The following TMEM232 variants were observed in gnomAD, a reference collection of about 807,000 sequenced individuals.
TMEM232 encodes transmembrane protein 232.
In TMEM232, 80 loss-of-function variants were observed where a neutral mutation model predicts 78.8. The ratio of observed to expected loss-of-function variants is 1.01; its 90% CI spans 0.85 to 1.22. TMEM232 has a LOEUF of 1.22. Among genes scored for constraint, TMEM232 ranks in the 50% most tolerant of loss-of-function variants. The probability of loss-of-function intolerance (pLI) is 0.00; values close to 1 mark genes in which losing one functional copy is unlikely to be tolerated. For synonymous variants in TMEM232, 297 were observed against 254.3 expected (o/e 1.17, Z -1.60); for missense variants, 881 against 742.2 (o/e 1.19, Z -2.17).
chr5:110,509,100 C>T (rs1767379933), intron 12 of TMEM232, among the ~76,000 whole-genome samples: 1 of 147,416 alleles, frequency 6.8e-6, no homozygotes. Context: ...TATACACACA[C>T]ATATATATGC....
rs150990035 is a variant in TMEM232 at position 110,493,361 on chromosome 5, C to A, written c.1703+35227G>T. On this transcript the variant is annotated intron_variant, in intron 12 of 13. Coordinates refer to ENST00000455884, the MANE Select transcript of TMEM232 (RefSeq NM_001039763.4). ...TCCAAAATGTGTACAGAAGATTACA[C>A]GGGTCAATAGCCAAGACATTGAAAA... Among the ~76,000 whole-genome samples, 1,448 of 147,100 alleles carry A rather than the reference C, an allele frequency of 9.8e-3. 34 individuals carry two copies. Among genetic ancestry groups the A allele is most frequent in the African/African-American group, 0.034 (1,352 of 39,262 alleles).
At chr5:110,524,274 A>C (rs1213060244) in intron 12 of TMEM232, among the ~76,000 whole-genome samples, 1 of 149,958 alleles carries the variant, frequency 6.7e-6, no homozygotes, top group Non-Finnish European at 1.5e-5. Flanking sequence ...AAAAAAAAAA[A>C]AGGAAAAGAG....
At chr5:110,620,024 A>G (rs189486929) in intron 7 of TMEM232, among the ~76,000 whole-genome samples, 1 of 152,270 alleles carries the variant, frequency 6.6e-6, no homozygotes, top group East Asian at 1.9e-4. Flanking sequence ...GGACTACATA[A>G]ACTATTCAAT....
At chr5:110,667,424 G>A (rs1473486177) in intron 1 of TMEM232, 60 bp from the exon 2 acceptor site, 3 of 1,275,878 alleles carry the variant, frequency 2.4e-6, no homozygotes, top group African/African-American at 1.6e-5. Context: ...CAAACAACAT[G>A]TTATGCAAAT....
intron 2 of TMEM232, among the ~76,000 whole-genome samples, chr5:110,413,857 G>T (rs544164431): frequency 2.0e-5 from 3 of 152,150 alleles, no homozygotes; most frequent in Non-Finnish European, 2.9e-5. Flanking sequence ...ATTCTAAAGG[G>T]AAAAAAGACA....
At chr5:110,599,901 G>T (rs375753172) in intron 10 of TMEM232, among the ~76,000 whole-genome samples, 1 of 151,978 alleles carries the variant, frequency 6.6e-6, no homozygotes, top group South Asian at 2.1e-4. Flanking sequence ...TTCTAAAATC[G>T]ACCACATAAT....
intron 12 of TMEM232, among the ~76,000 whole-genome samples, chr5:110,466,398 A>G (rs1762081274): frequency 6.6e-6 from 1 of 152,122 alleles, no homozygotes; most frequent in Non-Finnish European, 1.5e-5. Context: ...AAAATCAGAG[A>G]ATTAGGTATA....
chr5:110,569,575 G>A (rs140551287), intron 10 of TMEM232, among the ~76,000 whole-genome samples: 62 of 151,896 alleles, frequency 4.1e-4, no homozygotes, highest in African/African-American at 1.3e-3. Flanking sequence ...ATTCCATATT[G>A]CACTTTTCTC....
chr5:110,679,100 C>A lies in TMEM232; in HGVS notation c.-12-11736G>T, dbSNP rs543900556. ...ACAAAGTAAGCTTTGTAAGAAACCACCAAATTGTCTTCCAAAGTGGCCATA... is the reference window on the plus strand; with the variant it reads ...ACAAAGTAAGCTTTGTAAGAAACCAACAAATTGTCTTCCAAAGTGGCCATA... On this transcript the variant is annotated intron_variant, in intron 1 of 13. Coordinates refer to ENST00000455884, the MANE Select transcript of TMEM232 (RefSeq NM_001039763.4). 1.9e-4 allele frequency among the ~76,000 whole-genome samples: 29 copies of A among 152,242 alleles called. No homozygotes were observed. In the South Asian group the frequency reaches 5.8e-3, roughly 31 times the overall value.
intron 12 of TMEM232, among the ~76,000 whole-genome samples, chr5:110,516,033 G>A (rs1469960497): frequency 3.9e-5 from 6 of 152,028 alleles, no homozygotes; most frequent in East Asian, 1.9e-4. Context: ...AGGTCAGGAG[G>A]TCGAGACCAT....
intron 9 of TMEM232, 78 bp from the exon 10 acceptor site, chr5:110,605,436 T>A (rs944885087): frequency 7.0e-7 from 1 of 1,426,772 alleles, no homozygotes; most frequent in Non-Finnish European, 9.3e-7. Context: ...CTTATAATAA[T>A]TGTTAAAAGA....
At chr5:110,648,594 G>C (rs1321729763) in intron 2 of TMEM232, among the ~76,000 whole-genome samples, 1 of 151,932 alleles carries the variant, frequency 6.6e-6, no homozygotes, top group Non-Finnish European at 1.5e-5. Flanking sequence ...ATTTGAGCTT[G>C]GGTTATTTTC....
At position 110,625,254 on chromosome 5, in the gene TMEM232, C is replaced by G. The variant is rs1784269108; in HGVS notation, c.768+13G>C. On this transcript the variant is annotated intron_variant, in intron 7 of 13. Transcript: ENST00000455884. ...CAGGCAACAGGATATACCCACCATA[C>G]CAGATTACTCACCATATCAGAATCT... The G allele has an allele frequency of 6.6e-7, 1 of 1,511,578 alleles. No homozygotes were observed. Among genetic ancestry groups the G allele is most frequent in the Non-Finnish European group, 8.9e-7 (1 of 1,127,414 alleles). The allele number at this position is 1,511,578 out of a possible 1,614,324, so 93.6% of individuals were successfully genotyped here. A position where few individuals can be genotyped will look rare whatever the true frequency, so the allele number is the denominator to read the frequency against.
At chr5:110,706,511 C>A (rs377101287) in intron 1 of TMEM232, among the ~76,000 whole-genome samples, 25 of 152,272 alleles carry the variant, frequency 1.6e-4, no homozygotes, top group African/African-American at 5.8e-4. Context: ...TGTAGTTCAT[C>A]AATTTGAACC....
intron 1 of TMEM232, among the ~76,000 whole-genome samples, chr5:110,679,651 C>T (rs373077): frequency 0.77 from 117,504 of 151,930 alleles, 47,540 homozygotes; most frequent in South Asian, 0.91. Flanking sequence ...TATGAAATTA[C>T]TCTTTCACTA....
chr5:110,667,124 T>C, intron 2 of TMEM232, 104 bp downstream of exon 2: 1 of 945,990 alleles, frequency 1.1e-6, no homozygotes, highest in Non-Finnish European at 1.5e-6. Flanking sequence ...TTTAAAATTT[T>C]AATCTTTGGT....
intron 12 of TMEM232, among the ~76,000 whole-genome samples, chr5:110,489,554 C>T (rs577383510): frequency 5.9e-5 from 9 of 152,052 alleles, no homozygotes; most frequent in African/African-American, 9.6e-5. Context: ...TAACATCACA[C>T]GTAATGGTGA....
At chr5:110,589,561 G>A (rs765467209) in intron 10 of TMEM232, among the ~76,000 whole-genome samples, 3 of 152,114 alleles carry the variant, frequency 2.0e-5, no homozygotes, top group African/African-American at 2.4e-5. Context: ...ACTCCAAAAT[G>A]AGAATGCCTT....
intron 10 of TMEM232, among the ~76,000 whole-genome samples, chr5:110,578,424 C>A (rs968860011): frequency 6.6e-6 from 1 of 151,902 alleles, no homozygotes; most frequent in Non-Finnish European, 1.5e-5. Context: ...AACCCATAAT[C>A]TTGAAGAAAC....
Sources: gnomAD v4.1 joint callset for allele counts (sites outside exome capture counted in the v4.1 genomes callset) on GRCh38, gnomAD v4.1.1 for gene constraint, MANE v1.5 for transcripts, NCBI Gene and HGNC (gene_info 2026-07-23, HGNC 2026-07-21) for gene names.